The following ADAMTS18 variants were observed in gnomAD, a reference collection of about 807,000 sequenced individuals.
ADAMTS18 encodes the protein A disintegrin and metalloproteinase with thrombospondin motifs 18.
In ADAMTS18, 157 loss-of-function variants were observed where a neutral mutation model predicts 165.9. The ratio of observed to expected loss-of-function variants is 0.95; its 90% CI spans 0.83 to 1.08. The LOEUF is 1.08. Among genes scored for constraint, ADAMTS18 ranks in the 50% least tolerant of loss-of-function variants. ADAMTS18 has a pLI of 0.00. For synonymous variants in ADAMTS18, 782 were observed against 578.2 expected (o/e 1.35, Z -5.06); for missense variants, 2,040 against 1,534.0 (o/e 1.33, Z -5.51).
At chr16:77,291,556 G>C (rs780497999) in intron 20 of ADAMTS18, 78 bp from the exon 21 acceptor site, 37 of 1,407,358 alleles carry the variant, frequency 2.6e-5, no homozygotes, top group Non-Finnish European at 3.7e-5. Flanking sequence ...TTGACATAAG[G>C]TTGCACCATC....
At position 77,319,964 on chromosome 16, in the gene ADAMTS18, A is replaced by C; in HGVS notation, c.2417T>G (p.Ile806Ser). Residue 806 changes from isoleucine to serine, a missense_variant, in exon 16 of 23, where the codon ATC (isoleucine) becomes AGC (serine). By Grantham distance (142) the Ile-to-Ser change is moderately radical. Transcript: ENST00000282849. Reference protein sequence around the residue: ...QKYYLTGGWSIDWPGEFPFAG... With the variant: ...QKYYLTGGWSSDWPGEFPFAG... ...GAAGGGGAACTCCCCAGGCCAGTCGATGCTCCAGCCCCCGGTGAGGTAATA... is the reference window on the plus strand; with the variant it reads ...GAAGGGGAACTCCCCAGGCCAGTCGCTGCTCCAGCCCCCGGTGAGGTAATA... 1 of 1,614,196 alleles carries C rather than the reference A, an allele frequency of 6.2e-7. No individual in the cohort carries two copies. The highest frequency in any genetic ancestry group is 8.5e-7 in the Non-Finnish European group (1 of 1,180,026).
At chr16:77,369,115 C>G (rs1440529073) in intron 3 of ADAMTS18, among the ~76,000 whole-genome samples, 2 of 152,182 alleles carry the variant, frequency 1.3e-5, no homozygotes, top group African/African-American at 4.8e-5. Context: ...TGGGCCTCAC[C>G]CCAAACCTGC....
Position 77,434,745 on chromosome 16 carries a change from G to A in ADAMTS18, c.-50C>T. ...CGGGTGGCCAGACGCGGCAGGCGGA[G>A]CGCACGGGCGGCGCGCATTCTTTCC... On this transcript the variant is annotated 5_prime_UTR_variant, in exon 1 of 23. Coordinates refer to ENST00000282849, the MANE Select transcript of ADAMTS18 (RefSeq NM_199355.4). 7.4e-7 allele frequency: 1 copy of A among 1,360,436 alleles called. No homozygotes were observed. Among genetic ancestry groups the A allele is most frequent in the Non-Finnish European group, 9.5e-7 (1 of 1,052,164 alleles). 84.3% of individuals were successfully genotyped at this position (1,360,436 alleles called of 1,614,324 possible). A position where few individuals can be genotyped will look rare whatever the true frequency, so the allele number is the denominator to read the frequency against.
chr16:77,391,504 A>AAC, intron 3 of ADAMTS18, among the ~76,000 whole-genome samples: 1 of 152,120 alleles, frequency 6.6e-6, no homozygotes, highest in East Asian at 1.9e-4. Context: ...AAAAAAAAAA[A>AAC]ACAAGAGGCT....
chr16:77,378,972 T>G (rs866560226), intron 3 of ADAMTS18: 1 of 152,162 alleles, frequency 6.6e-6, no homozygotes, highest in African/African-American at 2.4e-5. Context: ...TAAGCAAGGT[T>G]TGAAGACCTG....
chr16:77,290,663 T>C (rs1352874253), intron 21 of ADAMTS18: 1 of 163,870 alleles, frequency 6.1e-6, no homozygotes, highest in Non-Finnish European at 1.3e-5. Context: ...CTGGGTGGAA[T>C]GCTGGAAGGA....
In ADAMTS18 at chr16:77,335,956, G is replaced by A. The variant is rs751830614; in HGVS notation, c.1711-52C>T. ...CCCGTCAGAGACCACCTGGGAAAGCGCAGGGAGTTGCCAACACCTGCACAG... is the reference window on the plus strand; with the variant it reads ...CCCGTCAGAGACCACCTGGGAAAGCACAGGGAGTTGCCAACACCTGCACAG... On this transcript the variant is annotated intron_variant, in intron 11 of 22. Transcript: ENST00000282849. The A allele has an allele frequency of 2.3e-5, 37 of 1,610,388 alleles. 1 individual carries two copies. In the Middle Eastern group the frequency reaches 5.0e-4, roughly 22 times the overall value.
chr16:77,374,541 G>C (rs1313459958), intron 3 of ADAMTS18, among the ~76,000 whole-genome samples: 1 of 152,030 alleles, frequency 6.6e-6, no homozygotes. Flanking sequence ...ACCATTTAAA[G>C]TCCCTCACAG....
At chr16:77,352,534 T>C (rs1019392293) in intron 10 of ADAMTS18, among the ~76,000 whole-genome samples, 1 of 152,220 alleles carries the variant, frequency 6.6e-6, no homozygotes, top group East Asian at 1.9e-4. Flanking sequence ...TTTGTGAAGA[T>C]TGAGGTAAAG....
chr16:77,427,523 G>C (rs537591260), intron 3 of ADAMTS18, among the ~76,000 whole-genome samples: 1 of 152,146 alleles, frequency 6.6e-6, no homozygotes, highest in Non-Finnish European at 1.5e-5. Context: ...ATTAGATTAG[G>C]TTAATCTGTA....
rs4038556 is a variant in ADAMTS18, at chr16:77,282,925, T to TTTTTTTTC, written c.*1030_*1031insGAAAAAAA. ...TTCTCTCTTTTTTTTTTTTTTTTTT[T>TTTTTTTTC]TGCTGTTAGCTCAATCCTAGGGCAA... On this transcript the variant is annotated 3_prime_UTR_variant, in exon 23 of 23. Transcript: ENST00000282849. 3 of 125,582 alleles carry TTTTTTTTC rather than the reference T, an allele frequency of 2.4e-5. No homozygotes were observed. Among genetic ancestry groups the TTTTTTTTC allele is most frequent in the Non-Finnish European group, 3.5e-5 (2 of 56,638 alleles). 7.8% of individuals were successfully genotyped at this position (125,582 alleles called of 1,614,324 possible). A position where few individuals can be genotyped will look rare whatever the true frequency, so the allele number is the denominator to read the frequency against.
At chr16:77,410,671 G>A (rs181755914) in intron 3 of ADAMTS18, among the ~76,000 whole-genome samples, 5 of 152,250 alleles carry the variant, frequency 3.3e-5, no homozygotes, top group Admixed American at 1.3e-4. Flanking sequence ...GCCAGAGACC[G>A]CCCTTGCTTG....
chr16:77,428,463 A>G (rs141097502), intron 3 of ADAMTS18, among the ~76,000 whole-genome samples: 9 of 152,332 alleles, frequency 5.9e-5, no homozygotes, highest in Non-Finnish European at 1.2e-4. Flanking sequence ...AACTACACCC[A>G]TAATGTGGTA....
chr16:77,313,614 G>C (rs1042082615), intron 16 of ADAMTS18, among the ~76,000 whole-genome samples: 22 of 152,080 alleles, frequency 1.4e-4, no homozygotes, highest in African/African-American at 4.8e-4. Context: ...GGTAAAAAAC[G>C]TATTTCTCAT....
intron 22 of ADAMTS18, among the ~76,000 whole-genome samples, chr16:77,285,035 G>A (rs2055221254): frequency 6.6e-6 from 1 of 152,144 alleles, no homozygotes; most frequent in Non-Finnish European, 1.5e-5. Flanking sequence ...AATTTCTTTA[G>A]TTGTTCAATG....
intron 10 of ADAMTS18, among the ~76,000 whole-genome samples, chr16:77,345,241 AAACTG>A (rs1440794837): frequency 6.6e-6 from 1 of 152,196 alleles, no homozygotes; most frequent in Non-Finnish European, 1.5e-5. Flanking sequence ...GAAGCATTAC[AAACTG>A]AACACATCCA....
At chr16:77,302,594 C>T (rs1398687186) in intron 16 of ADAMTS18, among the ~76,000 whole-genome samples, 3 of 152,140 alleles carry the variant, frequency 2.0e-5, no homozygotes, top group African/African-American at 7.2e-5. Flanking sequence ...AGTATCACCC[C>T]ATTCCTCCCA....
chr16:77,325,743 G>T, intron 13 of ADAMTS18, 123 bp downstream of exon 13: 1 of 959,480 alleles, frequency 1.0e-6, no homozygotes, highest in South Asian at 1.8e-5. Flanking sequence ...GAGCCAGGAT[G>T]GGTCTGGGGA....
At chr16:77,308,902 G>A (rs1597104067) in intron 16 of ADAMTS18, among the ~76,000 whole-genome samples, 1 of 152,192 alleles carries the variant, frequency 6.6e-6, no homozygotes, top group Non-Finnish European at 1.5e-5. Flanking sequence ...ATTCAGGAGT[G>A]GAGAATTAAA....
Sources: gnomAD v4.1 joint callset for allele counts (sites outside exome capture counted in the v4.1 genomes callset) on GRCh38, gnomAD v4.1.1 for gene constraint, MANE v1.5 for transcripts, NCBI Gene and HGNC (gene_info 2026-07-23, HGNC 2026-07-21) for gene names.